Variants in DPP6 observed in about 807,000 individuals in gnomAD.
DPP6 encodes the protein A-type potassium channel modulatory protein DPP6.
DPP6 carries 69 observed loss-of-function variants against 122.6 expected under a neutral mutation model. That is an observed-to-expected ratio of 0.56 (90% CI 0.46 to 0.69). The LOEUF (loss-of-function observed/expected upper bound fraction) is 0.69. Among genes scored for constraint, DPP6 ranks in the 30% least tolerant of loss-of-function variants. DPP6 has a pLI of 0.00. For missense variants in DPP6, 928 were observed against 1,116.9 expected (o/e 0.83, Z 2.41); for synonymous variants, 418 against 433.1 (o/e 0.97, Z 0.43).
At chr7:154,439,235 TG>T (rs1176595974) in intron 1 of DPP6, among the ~76,000 whole-genome samples, 2 of 152,196 alleles carry the variant, frequency 1.3e-5, no homozygotes, top group African/African-American at 2.4e-5. Flanking sequence ...AAATCGCCTG[TG>T]GGTTTCAGAG....
intron 10 of DPP6, among the ~76,000 whole-genome samples, chr7:154,783,795 A>G (rs935661760): frequency 2.6e-5 from 4 of 152,104 alleles, no homozygotes; most frequent in Non-Finnish European, 5.9e-5. Flanking sequence ...CTTTGTCTCA[A>G]GGAGCTCCCC....
chr7:154,640,550 A>T (rs112978864), intron 6 of DPP6, among the ~76,000 whole-genome samples: 2,951 of 152,254 alleles, frequency 0.019, 63 homozygotes, highest in Middle Eastern at 0.061. Flanking sequence ...CAATTAATTC[A>T]TTGCAAATAT....
chr7:154,308,333 G>T (rs1342800658), intron 1 of DPP6, among the ~76,000 whole-genome samples: 1 of 151,694 alleles, frequency 6.6e-6, no homozygotes, highest in African/African-American at 2.4e-5. Flanking sequence ...TGTGTAAAAA[G>T]AGTATTTTGG....
intron 4 of DPP6, among the ~76,000 whole-genome samples, chr7:154,560,288 C>T (rs1830339245): frequency 6.6e-6 from 1 of 152,170 alleles, no homozygotes; most frequent in Non-Finnish European, 1.5e-5. Flanking sequence ...AATGTAATCT[C>T]ATGTAAGACT....
At chr7:153,802,458 A>G in the DPP6 span, among the ~76,000 whole-genome samples, 5 of 152,194 alleles carry the variant, frequency 3.3e-5, no homozygotes, top group African/African-American at 7.2e-5. Context: ...TTCTGTCTGT[A>G]TTCCAGAAAT....
intron 1 of DPP6, among the ~76,000 whole-genome samples, chr7:153,947,700 G>C (rs1802013715): frequency 6.6e-6 from 1 of 152,112 alleles, no homozygotes; most frequent in South Asian, 2.1e-4. Context: ...CAGGACAAAG[G>C]GAGTGAGCTG....
intron 1 of DPP6, among the ~76,000 whole-genome samples, chr7:153,914,975 G>A (rs745746873): frequency 6.6e-6 from 1 of 152,140 alleles, no homozygotes; most frequent in Non-Finnish European, 1.5e-5. Context: ...TCTTGTCCTT[G>A]TCTAGCTAAA....
intron 1 of DPP6, among the ~76,000 whole-genome samples, chr7:153,894,911 T>A (rs1227021937): frequency 6.6e-6 from 1 of 152,112 alleles, no homozygotes; most frequent in African/African-American, 2.4e-5. Flanking sequence ...TCAAGTCTTG[T>A]TCCCTGGGTT....
Position 153,963,753 on chromosome 7 carries a change from G to A in DPP6, c.51+76019G>A, listed in dbSNP as rs371720294. Among the ~76,000 whole-genome samples the A allele has an allele frequency of 9.2e-5, 14 of 152,278 alleles. No individual in the cohort carries two copies. The East Asian group carries it at 2.5e-3, about 27-fold the overall frequency. Reference sequence around the variant, plus strand: ...AATCTGATGCCTAATATCTGAGGTGGAACAGTTTCATCCCGAAGCCATCCC... The same window carrying A: ...AATCTGATGCCTAATATCTGAGGTGAAACAGTTTCATCCCGAAGCCATCCC... On this transcript the variant is annotated intron_variant, in intron 1 of 25. Transcript: ENST00000404039.
At chr7:153,749,220 A>AG in the DPP6 span, among the ~76,000 whole-genome samples, 1 of 152,186 alleles carries the variant, frequency 6.6e-6, no homozygotes. This position sits in a 1 kb window ranked among gnomAD's most constrained non-coding sequence, Gnocchi z 4.1. Flanking sequence ...ACCCGCGGCC[A>AG]GCAGCAGGGC....
chr7:153,843,270 A>ATG, the DPP6 span, among the ~76,000 whole-genome samples: 1 of 100,084 alleles, frequency 1.0e-5, no homozygotes, highest in African/African-American at 3.3e-5. Context: ...ACACACACGC[A>ATG]TGCGCGCGCG....
At chr7:154,187,517 C>T (rs1409625361) in intron 1 of DPP6, among the ~76,000 whole-genome samples, 1 of 152,194 alleles carries the variant, frequency 6.6e-6, no homozygotes, top group Non-Finnish European at 1.5e-5. Context: ...ACTGGAAGAG[C>T]TCCTTTAAAT....
intron 1 of DPP6, among the ~76,000 whole-genome samples, chr7:154,211,483 T>A (rs982435359): frequency 1.3e-5 from 2 of 152,162 alleles, no homozygotes; most frequent in Non-Finnish European, 2.9e-5. Flanking sequence ...TACCAGTTGA[T>A]GTTGTTTATG....
chr7:153,786,821 A>G, the DPP6 span, among the ~76,000 whole-genome samples: 1 of 143,158 alleles, frequency 7.0e-6, no homozygotes, highest in African/African-American at 2.6e-5. Context: ...TATGTATACT[A>G]ATATTCTGGT....
intron 1 of DPP6, among the ~76,000 whole-genome samples, chr7:153,899,392 A>G (rs1585002526): frequency 6.6e-6 from 1 of 152,304 alleles, no homozygotes; most frequent in South Asian, 2.1e-4. Flanking sequence ...GAAATCATTC[A>G]TTGGCACTAA....
chr7:154,319,073 G>C (rs556486977), intron 1 of DPP6, among the ~76,000 whole-genome samples: 1 of 151,862 alleles, frequency 6.6e-6, no homozygotes, highest in Non-Finnish European at 1.5e-5. Context: ...TGTCAGGGGA[G>C]AGTAATGAAG....
chr7:154,800,294 ATAT>A (rs1420059937), intron 12 of DPP6, among the ~76,000 whole-genome samples: 1 of 152,194 alleles, frequency 6.6e-6, no homozygotes, highest in Admixed American at 6.5e-5. Context: ...TGGGCATATC[ATAT>A]CTGCATGGGT....
chr7:154,833,358 T>C lies in DPP6; in HGVS notation c.1667-20422T>C, dbSNP rs1800783095. ...GGAAGCCAAGAAAAGGAGTGTTTGG[T>C]AACTGGTAAAAATGGGGTGTGGGGA... On this transcript the variant is annotated intron_variant, in intron 16 of 25. Coordinates refer to ENST00000377770, the MANE Select transcript of DPP6 (RefSeq NM_130797.4). The surrounding 1 kb of genome is among the most constrained non-coding windows in gnomAD (Gnocchi z 4.3). 6.6e-6 allele frequency among the ~76,000 whole-genome samples: 1 copy of C among 152,082 alleles called. No individual in the cohort carries two copies. The highest frequency in any genetic ancestry group is 1.5e-5 in the Non-Finnish European group (1 of 68,024).
chr7:154,464,339 G>A (rs945790934), intron 2 of DPP6, among the ~76,000 whole-genome samples: 2 of 152,224 alleles, frequency 1.3e-5, no homozygotes, highest in Non-Finnish European at 1.5e-5. Flanking sequence ...TGAGGAAGGG[G>A]AAACTCAAGA....
Sources: allele counts gnomAD v4.1 joint callset (sites outside exome capture counted in the v4.1 genomes callset), GRCh38; gene constraint gnomAD v4.1.1; non-coding constraint Gnocchi (gnomAD v3.1); transcripts MANE v1.5; gene names NCBI Gene and HGNC (gene_info 2026-07-23, HGNC 2026-07-21).